The following FTCDNL1 variants were observed in gnomAD, a reference collection of about 807,000 sequenced individuals.
The protein encoded by FTCDNL1 is formiminotransferase cyclodeaminase N-terminal like, also known as formiminotransferase N-terminal subdomain-containing protein.
FTCDNL1 carries 11 observed loss-of-function variants against 5.9 expected under a neutral mutation model. That is an observed-to-expected ratio of 1.87 (90% CI 1.18 to 3.10). The LOEUF (loss-of-function observed/expected upper bound fraction) is 3.10. FTCDNL1 is among the 30% of genes most tolerant of loss of function. The pLI, the probability that FTCDNL1 is intolerant of heterozygous loss-of-function variation, is 0.00. For missense variants in FTCDNL1, 115 were observed against 65.5 expected, an observed-to-expected ratio of 1.76 and a Z score of -2.61; for synonymous variants, 58 against 24.8, an observed-to-expected ratio of 2.34 and a Z score of -3.99.
chr2:199,723,000 A>G, the FTCDNL1 span, among the ~76,000 whole-genome samples: 3 of 151,768 alleles, frequency 2.0e-5, no homozygotes, highest in Non-Finnish European at 4.4e-5. Context: ...CAGAATGTGC[A>G]GGTTTGTTAC....
intron 3 of FTCDNL1, among the ~76,000 whole-genome samples, chr2:199,837,946 A>G (rs1258518491): frequency 6.6e-6 from 1 of 152,216 alleles, no homozygotes; most frequent in Admixed American, 6.5e-5. Context: ...TTGCAGCTGA[A>G]TATTATGAGC....
intron 3 of FTCDNL1, among the ~76,000 whole-genome samples, chr2:199,845,155 T>A (rs1319564518): frequency 6.6e-6 from 1 of 152,218 alleles, no homozygotes; most frequent in Non-Finnish European, 1.5e-5. Context: ...TAAATGCATA[T>A]TATAGACACC....
At chr2:199,799,819 T>A (rs1700354165) in intron 3 of FTCDNL1, among the ~76,000 whole-genome samples, 1 of 152,128 alleles carries the variant, frequency 6.6e-6, no homozygotes, top group African/African-American at 2.4e-5. Context: ...GCCTGAATGT[T>A]TTGCCATTCC....
At chr2:199,692,554 A>G in the FTCDNL1 span, among the ~76,000 whole-genome samples, 4 of 152,322 alleles carry the variant, frequency 2.6e-5, no homozygotes, top group South Asian at 6.2e-4. Flanking sequence ...TCTCCTTTCC[A>G]TCCAATGGCC....
chr2:199,800,046 A>G (rs529736092), intron 3 of FTCDNL1, among the ~76,000 whole-genome samples: 1 of 152,292 alleles, frequency 6.6e-6, no homozygotes, highest in Admixed American at 6.5e-5. Flanking sequence ...TGATTATATA[A>G]TAATCACAGT....
At chr2:199,706,738 G>C in the FTCDNL1 span, among the ~76,000 whole-genome samples, 30 of 152,320 alleles carry the variant, frequency 2.0e-4, 1 homozygote, top group African/African-American at 7.2e-4. Flanking sequence ...ACGACTCACA[G>C]CTCTGTCCGC....
chr2:199,775,778 G>A (rs1699029496), intron 3 of FTCDNL1, among the ~76,000 whole-genome samples: 3 of 152,168 alleles, frequency 2.0e-5, no homozygotes, highest in African/African-American at 7.2e-5. Flanking sequence ...GGACCTTATA[G>A]GTTCCAGGCT....
At chr2:199,757,539 C>A (rs1007368638), downstream of FTCDNL1, among the ~76,000 whole-genome samples, 1 of 152,204 alleles carries the variant, frequency 6.6e-6, no homozygotes, top group African/African-American at 2.4e-5. Flanking sequence ...GTGTCCCCAG[C>A]AGCCTCCCAC....
intron 3 of FTCDNL1, among the ~76,000 whole-genome samples, chr2:199,762,359 A>C (rs1698312784): frequency 2.0e-5 from 3 of 152,336 alleles, no homozygotes; most frequent in South Asian, 2.1e-4. Flanking sequence ...AGCCTGGGCA[A>C]CAAGAGTGAA....
At chr2:199,715,897 G>T in the FTCDNL1 span, among the ~76,000 whole-genome samples, 2 of 151,936 alleles carry the variant, frequency 1.3e-5, no homozygotes, top group Non-Finnish European at 1.5e-5. Flanking sequence ...GATTAATCCC[G>T]CTCTGAAAAA....
chr2:199,720,727 T>C, the FTCDNL1 span, among the ~76,000 whole-genome samples: 2 of 152,212 alleles, frequency 1.3e-5, no homozygotes, highest in Admixed American at 6.5e-5. Context: ...ATGCCTAACT[T>C]AATTACATCT....
intron 4 of FTCDNL1, among the ~76,000 whole-genome samples, chr2:199,815,009 C>T (rs1701266345): frequency 1.3e-5 from 2 of 152,182 alleles, no homozygotes; most frequent in African/African-American, 2.4e-5. Context: ...TATGAAACTA[C>T]AGTTCAAAGA....
At chr2:199,773,108 C>G (rs1490738500) in intron 3 of FTCDNL1, among the ~76,000 whole-genome samples, 1 of 152,062 alleles carries the variant, frequency 6.6e-6, no homozygotes, top group Non-Finnish European at 1.5e-5. Flanking sequence ...GCTGCCATTT[C>G]CCCTAAACAA....
At chr2:199,690,746 C>T in the FTCDNL1 span, among the ~76,000 whole-genome samples, 1,670 of 151,954 alleles carry the variant, frequency 0.011, 35 homozygotes, top group African/African-American at 0.038. Flanking sequence ...CATCAAACAC[C>T]GAAGCAGGAA....
intron 3 of FTCDNL1, among the ~76,000 whole-genome samples, chr2:199,793,778 G>A (rs981736715): frequency 2.0e-5 from 3 of 152,182 alleles, no homozygotes; most frequent in Non-Finnish European, 2.9e-5. Context: ...AAGACCAGCT[G>A]TAATGTGAAT....
the FTCDNL1 span, among the ~76,000 whole-genome samples, chr2:199,669,078 G>C: frequency 6.6e-6 from 1 of 152,018 alleles, no homozygotes; most frequent in Non-Finnish European, 1.5e-5. Flanking sequence ...TTATTTCGCG[G>C]GTTTGGGGAA....
At chr2:199,673,625 T>C in the FTCDNL1 span, among the ~76,000 whole-genome samples, 3 of 152,280 alleles carry the variant, frequency 2.0e-5, no homozygotes, top group South Asian at 6.2e-4. Flanking sequence ...AAATTCACAG[T>C]TGAATTTATA....
intron 3 of FTCDNL1, among the ~76,000 whole-genome samples, chr2:199,821,328 T>A (rs953670273): frequency 8.6e-5 from 13 of 151,136 alleles, no homozygotes; most frequent in Admixed American, 1.3e-4. Context: ...TTTTTTTTTT[T>A]TTTTTTTTTT....
chr2:199,746,175 G>A, the FTCDNL1 span, among the ~76,000 whole-genome samples: 1 of 152,104 alleles, frequency 6.6e-6, no homozygotes, highest in East Asian at 1.9e-4. Context: ...ATTTCTCAAG[G>A]CTGTGGTTAA....
Sources: allele counts gnomAD v4.1 joint callset (sites outside exome capture counted in the v4.1 genomes callset), GRCh38; gene constraint gnomAD v4.1.1; transcripts MANE v1.5; gene names NCBI Gene and HGNC (gene_info 2026-07-23, HGNC 2026-07-21).